AK5: variants seen among roughly 807,000 people sequenced by gnomAD.
The protein encoded by AK5 is adenylate kinase isoenzyme 5.
Under a neutral mutation model 69.5 loss-of-function variants are expected in AK5, and 27 were observed. The observed-to-expected ratio is 0.39, with a 90% CI of 0.29 to 0.54. The LOEUF (loss-of-function observed/expected upper bound fraction) is 0.54, where lower values mean the gene tolerates loss of function less well. Ranked by LOEUF, AK5 falls within the 20% of genes least tolerant of loss-of-function variation. The pLI is 0.71. For synonymous variants in AK5, 260 were observed against 244.4 expected, an observed-to-expected ratio of 1.06 and a Z score of -0.60; for missense variants, 531 against 700.4, an observed-to-expected ratio of 0.76 and a Z score of 2.73.
At chr1:77,457,737 A>G (rs1413634840) in intron 8 of AK5, among the ~76,000 whole-genome samples, 3 of 152,102 alleles carry the variant, frequency 2.0e-5, no homozygotes, top group African/African-American at 4.8e-5. Flanking sequence ...GTTTTCTCCT[A>G]AGTTTTGAGA....
chr1:77,375,853 A>G (rs767589563), intron 6 of AK5, among the ~76,000 whole-genome samples: 1 of 152,170 alleles, frequency 6.6e-6, no homozygotes, highest in Non-Finnish European at 1.5e-5. Context: ...TCACCCTGCC[A>G]CTTGCTACAT....
intron 13 of AK5, among the ~76,000 whole-genome samples, chr1:77,549,962 T>TA (rs1410657915): frequency 1.1e-3 from 164 of 150,918 alleles, no homozygotes; most frequent in African/African-American, 3.8e-3. Flanking sequence ...ATTTATTTAT[T>TA]TTTTTTTTTT....
At chr1:77,392,013 A>G (rs886888574) in intron 6 of AK5, among the ~76,000 whole-genome samples, 1 of 152,142 alleles carries the variant, frequency 6.6e-6, no homozygotes, top group South Asian at 2.1e-4. Context: ...ACTCCAACAT[A>G]CTCCTTGAAT....
At chr1:77,368,037 G>A (rs1348452272) in intron 6 of AK5, among the ~76,000 whole-genome samples, 3 of 128,562 alleles carry the variant, frequency 2.3e-5, no homozygotes, top group Non-Finnish European at 4.8e-5. Context: ...AACAATGATG[G>A]GTGAAGGCTA....
chr1:77,295,786 TAAAAGAGCAC>T (rs1658969170), intron 3 of AK5, among the ~76,000 whole-genome samples: 1 of 152,164 alleles, frequency 6.6e-6, no homozygotes, highest in African/African-American at 2.4e-5. Flanking sequence ...TAATCTTGTA[TAAAAGAGCAC>T]AAATATTTTT....
chr1:77,464,320 G>A (rs1467277365), intron 8 of AK5, among the ~76,000 whole-genome samples: 1 of 152,162 alleles, frequency 6.6e-6, no homozygotes, highest in Non-Finnish European at 1.5e-5. Context: ...TGCTGCAAAG[G>A]GTGCCAACTT....
At position 77,323,696 on chromosome 1, in the gene AK5, A is replaced by G. The variant is rs144343466; in HGVS notation, c.700-16681A>G. On this transcript the variant is annotated intron_variant, in intron 5 of 13. Transcript: ENST00000354567. ...ATAAGCCTTTTGGAAATTAACTCAA[A>G]TATATTCCACTTGAACTACCAAATA... Among the ~76,000 whole-genome samples, 94 of 152,308 alleles carry G rather than the reference A, an allele frequency of 6.2e-4. 1 individual carries two copies. Among genetic ancestry groups the G allele is most frequent in the African/African-American group, 2.2e-3 (93 of 41,568 alleles).
chr1:77,534,716 C>T (rs1364841519), intron 12 of AK5, among the ~76,000 whole-genome samples: 4 of 152,004 alleles, frequency 2.6e-5, no homozygotes, highest in African/African-American at 4.8e-5. Flanking sequence ...CCAGCTACTC[C>T]GGAAGCTGAG....
chr1:77,521,694 T>C (rs1215677003), intron 11 of AK5, 133 bp from the exon 12 acceptor site: 2 of 618,392 alleles, frequency 3.2e-6, no homozygotes, highest in African/African-American at 1.9e-5. Flanking sequence ...AAATGAAATA[T>C]GGTCAATTGC....
At position 77,541,080 on chromosome 1, in the gene AK5, G is replaced by A. The variant is rs149963503; in HGVS notation, c.1620+5042G>A. On this transcript the variant is annotated intron_variant, in intron 13 of 13. Transcript: ENST00000354567. Reference sequence around the variant, plus strand: ...CACCACCACACCCAGCTAATGTTTTGTATTTTTATTAGAGATGGGGTTTCT... The same window carrying A: ...CACCACCACACCCAGCTAATGTTTTATATTTTTATTAGAGATGGGGTTTCT... Among the ~76,000 whole-genome samples, 37 of 152,200 alleles carry A rather than the reference G, an allele frequency of 2.4e-4. No homozygotes were observed. The East Asian group carries it at 7.0e-3, about 29-fold the overall frequency.
In AK5 at chr1:77,475,062, C is replaced by T. The variant is rs183240181; in HGVS notation, c.1060-8255C>T. Among the ~76,000 whole-genome samples, 666 of 151,560 alleles carry T rather than the reference C, an allele frequency of 4.4e-3. 3 individuals are homozygous for T. Among genetic ancestry groups the T allele is most frequent in the Non-Finnish European group, 6.6e-3 (445 of 67,932 alleles). ...AAACAATCCTCCCACCTCAGCCTCC[C>T]AAAGTGCTGAGATTACAGGTGTGAG... On this transcript the variant is annotated intron_variant, in intron 8 of 13. Coordinates refer to ENST00000354567, the MANE Select transcript of AK5 (RefSeq NM_174858.3).
intron 8 of AK5, among the ~76,000 whole-genome samples, chr1:77,447,390 A>G (rs1357914512): frequency 6.6e-6 from 1 of 152,252 alleles, no homozygotes; most frequent in Non-Finnish European, 1.5e-5. Flanking sequence ...CATAAAAGTG[A>G]ATGCCTCATC....
At chr1:77,485,981 G>C (rs185569135) in intron 9 of AK5, among the ~76,000 whole-genome samples, 14 of 152,270 alleles carry the variant, frequency 9.2e-5, no homozygotes, top group Admixed American at 2.6e-4. Context: ...GCCAGGTGTG[G>C]TGGCATGCCT....
chr1:77,309,307 C>T (rs964338159), intron 5 of AK5, among the ~76,000 whole-genome samples: 6 of 151,962 alleles, frequency 3.9e-5, no homozygotes, highest in African/African-American at 1.5e-4. Context: ...TCTATAAACA[C>T]ACACGAACAC....
chr1:77,358,222 A>C (rs1410682281), intron 6 of AK5, among the ~76,000 whole-genome samples: 1 of 152,096 alleles, frequency 6.6e-6, no homozygotes, highest in Non-Finnish European at 1.5e-5. Flanking sequence ...ATGATGGTTG[A>C]AATCATATTG....
chr1:77,336,505 A>G (rs1661369954), intron 5 of AK5, among the ~76,000 whole-genome samples: 1 of 152,162 alleles, frequency 6.6e-6, no homozygotes, highest in Non-Finnish European at 1.5e-5. Flanking sequence ...GTTTTTATTT[A>G]TATCTTATGT....
chr1:77,353,143 A>G (rs1386747166), intron 6 of AK5, among the ~76,000 whole-genome samples: 2 of 152,186 alleles, frequency 1.3e-5, no homozygotes, highest in Admixed American at 1.3e-4. Flanking sequence ...ACACATTTTT[A>G]ACTATTTTAA....
At chr1:77,374,613 A>G (rs1041726428) in intron 6 of AK5, among the ~76,000 whole-genome samples, 1 of 152,106 alleles carries the variant, frequency 6.6e-6, no homozygotes, top group Non-Finnish European at 1.5e-5. Context: ...TCAGGCCAGT[A>G]GTGCGAGACT....
Position 77,340,385 on chromosome 1 carries a change from C to T in AK5, c.708C>T (p.Thr236=), listed in dbSNP as rs954145286. The change falls in exon 6 of 14, where the codon ACC becomes ACT. Residue 236 remains threonine (T), a synonymous_variant. Coordinates refer to ENST00000354567, the MANE Select transcript of AK5 (RefSeq NM_174858.3). ...QALSFEDQIC[T]PDLVVFLACA... ...GTTGATGCTCTCCACAGATCTGTAC[C>T]CCCGATTTGGTGGTATTCCTGGCTT... is the stretch of plus-strand genomic sequence containing the variant. 6.2e-7 allele frequency: 1 copy of T among 1,613,504 alleles called. No homozygotes were observed. The highest frequency in any genetic ancestry group is 1.3e-5 in the African/African-American group (1 of 74,860).
Sources: allele counts gnomAD v4.1 joint callset (sites outside exome capture counted in the v4.1 genomes callset), GRCh38; gene constraint gnomAD v4.1.1; transcripts MANE v1.5; gene names NCBI Gene and HGNC (gene_info 2026-07-23, HGNC 2026-07-21).